GRID2: variants seen among roughly 807,000 people sequenced by gnomAD.
GRID2 encodes the protein glutamate ionotropic receptor delta type subunit 2.
A neutral mutation model predicts 114.8 loss-of-function variants in GRID2; 33 were observed. The observed-to-expected ratio is 0.29, with a 90% confidence interval of 0.22 to 0.38. GRID2 has a LOEUF of 0.38. GRID2 is among the 10% of genes least tolerant of loss of function. The pLI is 1.00. For synonymous variants in GRID2, 505 were observed against 449.9 expected, an observed-to-expected ratio of 1.12 and a Z score of -1.55; for missense variants, 1,184 against 1,257.7, an observed-to-expected ratio of 0.94 and a Z score of 0.89.
chr4:93,406,670 T>C (rs997427149), intron 9 of GRID2, among the ~76,000 whole-genome samples: 1 of 152,152 alleles, frequency 6.6e-6, no homozygotes. Context: ...TATGTATTTA[T>C]CTTTGAGTTG....
chr4:92,781,990 G>A (rs1467608639), intron 2 of GRID2, among the ~76,000 whole-genome samples: 5 of 151,530 alleles, frequency 3.3e-5, no homozygotes, highest in Admixed American at 2.0e-4. Context: ...TTTTACTTTC[G>A]GTATCCTTAA....
intron 1 of GRID2, among the ~76,000 whole-genome samples, chr4:92,519,523 G>A (rs1435591965): frequency 6.6e-6 from 1 of 151,338 alleles, no homozygotes; most frequent in Admixed American, 6.6e-5. Flanking sequence ...ATGAATTAGA[G>A]CTCTTGTACT....
At chr4:93,458,767 G>T (rs1244235046) in intron 11 of GRID2, among the ~76,000 whole-genome samples, 1 of 152,124 alleles carries the variant, frequency 6.6e-6, no homozygotes, top group Non-Finnish European at 1.5e-5. Context: ...TAAAAAAAGG[G>T]ATAACAAGAC....
chr4:93,489,154 C>T (rs1331923111), intron 11 of GRID2, among the ~76,000 whole-genome samples: 1 of 151,718 alleles, frequency 6.6e-6, no homozygotes, highest in Non-Finnish European at 1.5e-5. Context: ...AAGGAATTGG[C>T]AGTATAGGGT....
intron 2 of GRID2, among the ~76,000 whole-genome samples, chr4:93,032,100 A>G (rs1041383217): frequency 2.0e-5 from 3 of 152,198 alleles, no homozygotes; most frequent in African/African-American, 7.2e-5. Flanking sequence ...ATACCTGGGG[A>G]AAACTATACT....
chr4:92,600,761 T>C (rs1296754806), intron 2 of GRID2, among the ~76,000 whole-genome samples: 2 of 152,182 alleles, frequency 1.3e-5, no homozygotes, highest in Non-Finnish European at 2.9e-5. Flanking sequence ...TGCTCCTTCC[T>C]CCGGGATCTC....
At chr4:92,484,750 A>G (rs1722783843) in intron 1 of GRID2, among the ~76,000 whole-genome samples, 2 of 152,022 alleles carry the variant, frequency 1.3e-5, no homozygotes, top group Non-Finnish European at 2.9e-5. Flanking sequence ...GAAGAGCGTC[A>G]TATGAAGAAG....
intron 13 of GRID2, among the ~76,000 whole-genome samples, chr4:93,575,387 G>C (rs551951797): frequency 2.2e-4 from 33 of 152,124 alleles, no homozygotes; most frequent in Non-Finnish European, 4.7e-4. Flanking sequence ...ATTTTCTAGT[G>C]GCAAGGACTC....
At chr4:92,626,576 T>C (rs12643613) in intron 2 of GRID2, among the ~76,000 whole-genome samples, 7,153 of 152,148 alleles carry the variant, frequency 0.047, 209 homozygotes, top group East Asian at 0.095. Flanking sequence ...GGCTGTCATG[T>C]GGAAGTGGAG....
intron 2 of GRID2, among the ~76,000 whole-genome samples, chr4:92,998,797 G>A (rs905201879): frequency 3.3e-5 from 5 of 150,660 alleles, no homozygotes; most frequent in Non-Finnish European, 5.9e-5. Flanking sequence ...ATTTGATGGC[G>A]TTTTATTTAT....
chr4:92,363,101 CA>C, intron 1 of GRID2, among the ~76,000 whole-genome samples: 1 of 152,116 alleles, frequency 6.6e-6, no homozygotes, highest in Non-Finnish European at 1.5e-5. Context: ...TCTTACTACT[CA>C]GAGTATGGCC....
intron 8 of GRID2, among the ~76,000 whole-genome samples, chr4:93,378,470 C>T (rs562336880): frequency 9.7e-4 from 147 of 152,034 alleles, no homozygotes; most frequent in Non-Finnish European, 1.5e-3. Flanking sequence ...TCAGCTTCTC[C>T]CAGGTTCATT....
chr4:92,938,563 A>G (rs1207250174), intron 2 of GRID2, among the ~76,000 whole-genome samples: 1 of 144,852 alleles, frequency 6.9e-6, no homozygotes, highest in African/African-American at 2.4e-5. Context: ...TAATGTCAAT[A>G]TTTCTTTTTT....
intron 2 of GRID2, among the ~76,000 whole-genome samples, chr4:92,828,292 T>G (rs1407618849): frequency 6.6e-6 from 1 of 152,130 alleles, no homozygotes; most frequent in African/African-American, 2.4e-5. Context: ...ATAATGACTT[T>G]ATTGTAGAAA....
intron 1 of GRID2, among the ~76,000 whole-genome samples, chr4:92,406,141 T>A (rs1731019194): frequency 6.6e-6 from 1 of 152,098 alleles, no homozygotes; most frequent in Non-Finnish European, 1.5e-5. Flanking sequence ...GGGTCCACAT[T>A]CCCCAGCCCA....
chr4:93,090,726 T>C (rs9998068), intron 3 of GRID2, among the ~76,000 whole-genome samples: 69,373 of 151,956 alleles, frequency 0.46, 16,355 homozygotes, highest in Admixed American at 0.61. Flanking sequence ...GTTCAAATCA[T>C]GTGTCTTCAG....
At chr4:93,282,366 A>C in intron 8 of GRID2, 1 of 447,532 alleles carries the variant, frequency 2.2e-6, no homozygotes, top group South Asian at 1.6e-5. Context: ...ACATAACTTT[A>C]TTTATTGTAG....
chr4:93,750,153 A>G (rs554085384), intron 14 of GRID2, among the ~76,000 whole-genome samples: 1 of 152,336 alleles, frequency 6.6e-6, no homozygotes, highest in South Asian at 2.1e-4. Context: ...ATAAGACACC[A>G]TTACCTGGCC....
intron 2 of GRID2, among the ~76,000 whole-genome samples, chr4:92,886,167 C>T (rs941321470): frequency 2.0e-5 from 3 of 152,024 alleles, no homozygotes; most frequent in Non-Finnish European, 2.9e-5. Flanking sequence ...TATTGGGGAA[C>T]AGCCAGTGGG....
Sources: gnomAD v4.1 joint callset for allele counts (sites outside exome capture counted in the v4.1 genomes callset) on GRCh38, gnomAD v4.1.1 for gene constraint, MANE v1.5 for transcripts, NCBI Gene and HGNC (gene_info 2026-07-23, HGNC 2026-07-21) for gene names.